DNAH14: variants seen among roughly 807,000 people sequenced by gnomAD.
DNAH14 encodes the protein axonemal beta dynein heavy chain 14.
Under a neutral mutation model 520.9 loss-of-function variants are expected in DNAH14, and 478 were observed. That is an observed-to-expected ratio of 0.92 (90% CI 0.85 to 0.99). DNAH14 has a LOEUF of 0.99. Among genes scored for constraint, DNAH14 ranks in the 50% least tolerant of loss-of-function variants. DNAH14 has a pLI of 0.00. For synonymous variants in DNAH14, 1,581 were observed against 1,757.2 expected, an observed-to-expected ratio of 0.90 and a Z score of 2.51; for missense variants, 4,831 against 5,234.5, an observed-to-expected ratio of 0.92 and a Z score of 2.38.
chr1:225,364,427 T>C (rs1400198644), intron 75 of DNAH14, among the ~76,000 whole-genome samples: 1 of 152,206 alleles, frequency 6.6e-6, no homozygotes, highest in Non-Finnish European at 1.5e-5. Flanking sequence ...TATGGTCTCA[T>C]GGATTTCTAT....
At chr1:225,169,817 T>C (rs1370559381) in intron 36 of DNAH14, among the ~76,000 whole-genome samples, 2 of 152,056 alleles carry the variant, frequency 1.3e-5, no homozygotes, top group Admixed American at 1.3e-4. Context: ...CACATAATTG[T>C]CAGATTCACC....
At chr1:225,222,080 A>G (rs1338674438) in intron 41 of DNAH14, among the ~76,000 whole-genome samples, 1 of 152,150 alleles carries the variant, frequency 6.6e-6, no homozygotes, top group African/African-American at 2.4e-5. Flanking sequence ...CTGTGTCAGC[A>G]TACTTCTTTC....
At chr1:225,102,936 T>C (rs1473713510) in intron 23 of DNAH14, among the ~76,000 whole-genome samples, 3 of 152,188 alleles carry the variant, frequency 2.0e-5, no homozygotes, top group African/African-American at 7.2e-5. Flanking sequence ...GCCATTGCTT[T>C]TGTTGTTTTA....
intron 11 of DNAH14, among the ~76,000 whole-genome samples, chr1:225,029,569 G>T (rs78820939): frequency 0.053 from 7,999 of 152,050 alleles, 323 homozygotes; most frequent in Non-Finnish European, 0.078. Flanking sequence ...TTACAGTCTA[G>T]AGGAAGGGAG....
chr1:225,325,144 A>C (rs189425743), intron 64 of DNAH14, among the ~76,000 whole-genome samples: 3 of 149,086 alleles, frequency 2.0e-5, no homozygotes, highest in Admixed American at 1.4e-4. Context: ...CTTAAACAGT[A>C]TCAATCTGTG....
At chr1:225,330,295 A>G (rs1432976523) in intron 64 of DNAH14, among the ~76,000 whole-genome samples, 1 of 152,208 alleles carries the variant, frequency 6.6e-6, no homozygotes, top group African/African-American at 2.4e-5. Flanking sequence ...CAGCAATTCT[A>G]CTGCTGGGTA....
At chr1:225,315,059 C>G (rs147523417) in intron 60 of DNAH14, among the ~76,000 whole-genome samples, 91 of 152,282 alleles carry the variant, frequency 6.0e-4, no homozygotes, top group African/African-American at 2.1e-3. Context: ...TTCTCTCCAT[C>G]ACTTTCAAGT....
chr1:224,945,312 C>T (rs949824734), intron 1 of DNAH14, among the ~76,000 whole-genome samples: 6 of 152,242 alleles, frequency 3.9e-5, no homozygotes, highest in East Asian at 1.9e-4. Context: ...GCATTCGTCA[C>T]GTAGTTATCG....
chr1:224,977,795 G>C (rs1027752486), intron 8 of DNAH14, among the ~76,000 whole-genome samples: 8 of 152,092 alleles, frequency 5.3e-5, no homozygotes, highest in African/African-American at 1.9e-4. Context: ...TTAATATGCA[G>C]AATATAAAGG....
intron 8 of DNAH14, among the ~76,000 whole-genome samples, chr1:224,974,637 T>C (rs894070763): frequency 3.3e-5 from 5 of 152,196 alleles, no homozygotes; most frequent in African/African-American, 1.2e-4. Flanking sequence ...AGCCAGGGCA[T>C]TGACAATGAT....
At chr1:225,084,547 C>G (rs952796909) in intron 20 of DNAH14, among the ~76,000 whole-genome samples, 1 of 151,896 alleles carries the variant, frequency 6.6e-6, no homozygotes, top group Admixed American at 6.6e-5. Flanking sequence ...TCTGAAAAAC[C>G]TACCACATGA....
At chr1:224,960,101 T>C (rs2060750913) in intron 3 of DNAH14, 52 bp from the exon 4 acceptor site, 1 of 1,470,602 alleles carries the variant, frequency 6.8e-7, no homozygotes, top group Admixed American at 2.3e-5. Flanking sequence ...ATTACTATGG[T>C]ATTATTTACA....
At chr1:225,183,705 T>G (rs1252788056) in intron 36 of DNAH14, among the ~76,000 whole-genome samples, 7 of 142,368 alleles carry the variant, frequency 4.9e-5, no homozygotes, top group Non-Finnish European at 1.1e-4. Context: ...AAAAGGAAGA[T>G]CCAAGTAAGT....
At chr1:225,201,324 T>G (rs1004775941) in intron 38 of DNAH14, among the ~76,000 whole-genome samples, 1 of 152,204 alleles carries the variant, frequency 6.6e-6, no homozygotes. Context: ...GGTGCCTCCC[T>G]GATTAGCTAA....
chr1:225,399,196 T>C lies in DNAH14; in HGVS notation c.13781T>C (p.Leu4594Ser). 6.4e-7 allele frequency: 1 copy of C among 1,551,762 alleles called. No individual in the cohort carries two copies. Among genetic ancestry groups the C allele is most frequent in the Non-Finnish European group, 8.7e-7 (1 of 1,146,998 alleles). Residue 4594 changes from leucine to serine, a missense_variant, in exon 86 of 86, where the codon TTA becomes TCA. Coordinates refer to ENST00000682510, the MANE Select transcript of DNAH14 (RefSeq NM_001367479.1). ...ACAAACTTTTTAACATCAGTGTATT[T>C]ATCAACGAAGAAACCTCCTAGTCAC... is the stretch of plus-strand genomic sequence containing the variant. ...LPTNFLTSVY[L>S]STKKPPSHWI...
intron 8 of DNAH14, among the ~76,000 whole-genome samples, chr1:224,998,010 AGTT>A (rs1361304158): frequency 2.0e-5 from 3 of 152,058 alleles, no homozygotes; most frequent in Non-Finnish European, 4.4e-5. Flanking sequence ...ACATTGGGTG[AGTT>A]GTTGTAGTTT....
At chr1:225,377,646 G>A (rs2095718466) in intron 79 of DNAH14, among the ~76,000 whole-genome samples, 1 of 152,032 alleles carries the variant, frequency 6.6e-6, no homozygotes, top group Non-Finnish European at 1.5e-5. Context: ...TGTAGTCCCA[G>A]TAACTTGCGA....
chr1:225,264,342 G>A, intron 47 of DNAH14, 81 bp downstream of exon 47: 1 of 1,100,382 alleles, frequency 9.1e-7, no homozygotes, highest in South Asian at 1.5e-5. Context: ...TTACATTCAT[G>A]GATCTCAGAA....
intron 11 of DNAH14, chr1:225,024,505 A>G (rs2065945750): frequency 6.5e-6 from 1 of 152,748 alleles, no homozygotes; most frequent in South Asian, 2.1e-4. Flanking sequence ...ATGAATTGAA[A>G]TGTTGGCATA....
Sources: gnomAD v4.1 joint callset for allele counts (sites outside exome capture counted in the v4.1 genomes callset) on GRCh38, gnomAD v4.1.1 for gene constraint, MANE v1.5 for transcripts, NCBI Gene and HGNC (gene_info 2026-07-23, HGNC 2026-07-21) for gene names.